Variants in FRMD6 observed in about 807,000 individuals in gnomAD.
FRMD6 encodes the protein FERM domain containing 6.
FRMD6 carries 37 observed loss-of-function variants against 73.2 expected under a neutral mutation model. That is an observed-to-expected ratio of 0.51 (90% CI 0.39 to 0.66). The LOEUF (loss-of-function observed/expected upper bound fraction) is 0.66, where lower values mean the gene tolerates loss of function less well. Among genes scored for constraint, FRMD6 ranks in the 30% least tolerant of loss-of-function variants. FRMD6 has a pLI of 0.00. For synonymous variants in FRMD6, 273 were observed against 282.2 expected (o/e 0.97, Z 0.33); for missense variants, 714 against 780.5 (o/e 0.91, Z 1.02).
At chr14:51,543,901 A>G (rs1886329737) in intron 1 of FRMD6, among the ~76,000 whole-genome samples, 1 of 152,074 alleles carries the variant, frequency 6.6e-6, no homozygotes, top group African/African-American at 2.4e-5. Context: ...GGTACTTTGG[A>G]AATGAATTCG....
intron 1 of FRMD6, among the ~76,000 whole-genome samples, chr14:51,666,213 A>G (rs1161279531): frequency 3.9e-5 from 6 of 152,222 alleles, no homozygotes; most frequent in Admixed American, 6.5e-5. Flanking sequence ...TGAATTCACT[A>G]AACACCTCAT....
chr14:51,603,702 G>A (rs1890132008), intron 2 of FRMD6, among the ~76,000 whole-genome samples: 1 of 152,158 alleles, frequency 6.6e-6, no homozygotes, highest in Non-Finnish European at 1.5e-5. Flanking sequence ...CCAGTCACTA[G>A]TTACGTAACC....
intron 2 of FRMD6, among the ~76,000 whole-genome samples, chr14:51,641,711 A>G (rs533051882): frequency 1.3e-5 from 2 of 152,176 alleles, no homozygotes; most frequent in African/African-American, 4.8e-5. Flanking sequence ...TCAATGTTCC[A>G]GTCAAGTTCA....
At chr14:51,604,315 C>T (rs972241657) in intron 2 of FRMD6, among the ~76,000 whole-genome samples, 4 of 152,060 alleles carry the variant, frequency 2.6e-5, no homozygotes, top group African/African-American at 9.7e-5. Flanking sequence ...TGAGCTCTGG[C>T]CTTGTGGTGG....
intron 1 of FRMD6, among the ~76,000 whole-genome samples, chr14:51,547,211 TTAAA>T (rs1427373583): frequency 2.0e-5 from 3 of 152,184 alleles, no homozygotes; most frequent in Non-Finnish European, 4.4e-5. Context: ...ATGGAGAAGT[TTAAA>T]TATTTATACC....
rs560173723 is a variant in FRMD6, at chr14:51,667,240, C to T, written c.-147+15244C>T. On this transcript the variant is annotated intron_variant, in intron 1 of 13. Coordinates refer to ENST00000344768, the MANE Select transcript of FRMD6 (RefSeq NM_001267046.2). ...AGGTATTTGTAATGAGGAATTTTCTCATGGCTTTCAGAAATAGGATATAAA... is the reference window on the plus strand; with the variant it reads ...AGGTATTTGTAATGAGGAATTTTCTTATGGCTTTCAGAAATAGGATATAAA... Among the ~76,000 whole-genome samples the T allele has an allele frequency of 3.9e-5, 6 of 152,274 alleles. No homozygotes were observed. The East Asian group carries it at 1.2e-3, about 29-fold the overall frequency.
chr14:51,673,340 C>T (rs1402446466), intron 1 of FRMD6, among the ~76,000 whole-genome samples: 7 of 151,972 alleles, frequency 4.6e-5, no homozygotes, highest in Admixed American at 4.6e-4. Flanking sequence ...ATCTTTGTAC[C>T]TCTATCTGGG....
intron 1 of FRMD6, among the ~76,000 whole-genome samples, chr14:51,505,599 T>C (rs1385448828): frequency 6.6e-6 from 1 of 152,176 alleles, no homozygotes; most frequent in African/African-American, 2.4e-5. Context: ...CAGTCCCAGA[T>C]TCTCTCCAGA....
At chr14:51,419,949 G>A in the FRMD6 span, among the ~76,000 whole-genome samples, 1 of 152,004 alleles carries the variant, frequency 6.6e-6, no homozygotes, top group Non-Finnish European at 1.5e-5. Flanking sequence ...GTTAGGTGTG[G>A]TCATGGGACT....
intron 1 of FRMD6, among the ~76,000 whole-genome samples, chr14:51,499,605 C>T (rs544563518): frequency 7.9e-5 from 12 of 152,262 alleles, no homozygotes; most frequent in East Asian, 1.9e-4. Context: ...AGCCCAGCTC[C>T]GAGGTCCATG....
At chr14:51,435,419 T>TA in the FRMD6 span, among the ~76,000 whole-genome samples, 5 of 132,296 alleles carry the variant, frequency 3.8e-5, no homozygotes, top group Middle Eastern at 4.1e-3. Flanking sequence ...CATCTCTATT[T>TA]AAAAAAAAAA....
chr14:51,514,751 G>A (rs1884523061), intron 1 of FRMD6, among the ~76,000 whole-genome samples: 1 of 152,154 alleles, frequency 6.6e-6, no homozygotes. Context: ...GGGTGGCTGA[G>A]GCAGGAGAAT....
intron 1 of FRMD6, among the ~76,000 whole-genome samples, chr14:51,683,893 G>C (rs893199600): frequency 6.6e-6 from 1 of 152,094 alleles, no homozygotes; most frequent in Non-Finnish European, 1.5e-5. Context: ...TATCAAAGGC[G>C]ATCTTAGCCT....
the FRMD6 span, among the ~76,000 whole-genome samples, chr14:51,407,449 T>C: frequency 6.6e-6 from 1 of 151,816 alleles, no homozygotes; most frequent in East Asian, 1.9e-4. Context: ...AAATATTGGC[T>C]TCACTAACAA....
intron 1 of FRMD6, among the ~76,000 whole-genome samples, chr14:51,659,131 G>T (rs1018813851): frequency 2.6e-5 from 4 of 152,172 alleles, no homozygotes; most frequent in African/African-American, 7.2e-5. Flanking sequence ...GTTCCCTGGG[G>T]CCCAAATCCA....
intron 1 of FRMD6, among the ~76,000 whole-genome samples, chr14:51,502,137 A>G (rs1566780155): frequency 1.3e-5 from 2 of 152,086 alleles, no homozygotes; most frequent in East Asian, 1.9e-4. Flanking sequence ...ATTTTTTCCC[A>G]TTCTGTAGAT....
Position 51,728,724 on chromosome 14 carries a change from G to A in FRMD6, c.*695G>A, listed in dbSNP as rs1898118145. 1 of 152,568 alleles carries A rather than the reference G, an allele frequency of 6.6e-6. No individual in the cohort carries two copies. The highest frequency in any genetic ancestry group is 1.5e-5 in the Non-Finnish European group (1 of 68,044). 9.5% of individuals were successfully genotyped at this position (152,568 alleles called of 1,614,324 possible). ...CCAGAAAGCTCCAGGATTCATTTGA[G>A]TTCCACATCCAAGTAACAGATGAAT... On this transcript the variant is annotated 3_prime_UTR_variant, in exon 14 of 14. Transcript: ENST00000344768.
chr14:51,714,436 G>A (rs1897131170), intron 9 of FRMD6: 1 of 152,132 alleles, frequency 6.6e-6, no homozygotes, highest in South Asian at 2.1e-4. Flanking sequence ...TCCACTCTCT[G>A]GCTGAGAATC....
intron 1 of FRMD6, among the ~76,000 whole-genome samples, chr14:51,562,511 C>T (rs115517987): frequency 0.012 from 1,872 of 152,272 alleles, 31 homozygotes; most frequent in African/African-American, 0.042. Flanking sequence ...GGGAAGTCAA[C>T]CATGCGTGGG....
Sources: gnomAD v4.1 joint callset for allele counts (sites outside exome capture counted in the v4.1 genomes callset) on GRCh38, gnomAD v4.1.1 for gene constraint, MANE v1.5 for transcripts, NCBI Gene and HGNC (gene_info 2026-07-23, HGNC 2026-07-21) for gene names.